Variants in MCM9 observed in about 807,000 individuals in gnomAD.
MCM9 encodes the protein DNA helicase MCM9.
Under a neutral mutation model 72.8 loss-of-function variants are expected in MCM9, and 55 were observed. That is an observed-to-expected ratio of 0.76 (90% confidence interval 0.61 to 0.95). MCM9 has a LOEUF of 0.95. Among genes scored for constraint, MCM9 ranks in the 40% least tolerant of loss-of-function variants. The pLI, the probability that MCM9 is intolerant of heterozygous loss-of-function variation, is 0.00. For missense variants in MCM9, 1,279 were observed against 1,377.0 expected (o/e 0.93, Z 1.13); for synonymous variants, 480 against 503.4 (o/e 0.95, Z 0.62).
intron 9 of MCM9, among the ~76,000 whole-genome samples, chr6:118,830,047 T>C (rs531803674): frequency 3.3e-5 from 5 of 152,218 alleles, no homozygotes; most frequent in African/African-American, 4.8e-5. Context: ...AATGGTCCAG[T>C]AGAGGGACAA....
intron 8 of MCM9, among the ~76,000 whole-genome samples, chr6:118,874,458 C>G (rs991112203): frequency 3.3e-5 from 5 of 152,088 alleles, no homozygotes; most frequent in African/African-American, 1.2e-4. Flanking sequence ...AGACTCTCTA[C>G]AAAAAATCTG....
At chr6:118,897,342 C>T (rs969121376) in intron 8 of MCM9, among the ~76,000 whole-genome samples, 3 of 152,008 alleles carry the variant, frequency 2.0e-5, no homozygotes, top group African/African-American at 7.2e-5. Flanking sequence ...TAATATAGGG[C>T]TTATATCAAG....
chr6:118,869,310 AATG>A, intron 8 of MCM9, among the ~76,000 whole-genome samples: 1 of 152,200 alleles, frequency 6.6e-6, no homozygotes, highest in Non-Finnish European at 1.5e-5. Flanking sequence ...ACCCAATGTA[AATG>A]ATGAGTTGAT....
At chr6:118,856,576 T>C (rs1460419113) in intron 8 of MCM9, 31 bp from the exon 9 acceptor site, 3 of 1,534,332 alleles carry the variant, frequency 2.0e-6, no homozygotes, top group African/African-American at 2.7e-5. Context: ...TATCAACTTT[T>C]ATTTTCAAAA....
At chr6:118,848,888 C>T (rs1776053086) in intron 9 of MCM9, among the ~76,000 whole-genome samples, 1 of 152,036 alleles carries the variant, frequency 6.6e-6, no homozygotes, top group Non-Finnish European at 1.5e-5. Flanking sequence ...TGCCACTGCA[C>T]TCCAGCCTGG....
chr6:118,843,962 G>C (rs1775687247), intron 9 of MCM9, among the ~76,000 whole-genome samples: 1 of 151,518 alleles, frequency 6.6e-6, no homozygotes, highest in South Asian at 2.1e-4. Flanking sequence ...AGGAAAACCT[G>C]AAGTGGTTAG....
intron 9 of MCM9, 44 bp downstream of exon 9, chr6:118,856,327 T>C: frequency 6.7e-7 from 1 of 1,500,122 alleles, no homozygotes; most frequent in Non-Finnish European, 8.9e-7. Context: ...TAAGCATATA[T>C]TAAATAATCT....
intron 9 of MCM9, among the ~76,000 whole-genome samples, chr6:118,829,954 G>A (rs1220771065): frequency 6.6e-6 from 1 of 152,152 alleles, no homozygotes; most frequent in African/African-American, 2.4e-5. Context: ...CCATTGTGAA[G>A]GGAAGTCTGA....
intron 8 of MCM9, among the ~76,000 whole-genome samples, chr6:118,859,463 G>C (rs1776771527): frequency 1.3e-5 from 2 of 152,230 alleles, no homozygotes; most frequent in East Asian, 3.9e-4. Flanking sequence ...TGAGATCAGA[G>C]GACAAATTAC....
chr6:118,826,864 G>A lies in MCM9; in HGVS notation c.1733C>T (p.Ala578Val). 3 of 1,548,610 alleles carry A rather than the reference G, an allele frequency of 1.9e-6. No homozygotes were observed. Among genetic ancestry groups the A allele is most frequent in the Non-Finnish European group, 2.6e-6 (3 of 1,146,362 alleles). Reference sequence around the variant, plus strand: ...ATCACGAAACATCAGGCGAGCATGAGCTAAGAAAACAAAACACATTTGTTT... The same window carrying A: ...ATCACGAAACATCAGGCGAGCATGAACTAAGAAAACAAAACACATTTGTTT... ...LLESLIRLAE[A>V]HARLMFRDTV... is the part of the protein sequence containing the mutation. The change falls in exon 12 of 14, where the codon GCT becomes GTT. Residue 578 changes from alanine (A) to valine (V), a missense_variant and splice_region_variant. Transcript: ENST00000619706.
intron 9 of MCM9, among the ~76,000 whole-genome samples, chr6:118,837,126 A>AT: frequency 6.6e-6 from 1 of 152,078 alleles, no homozygotes; most frequent in East Asian, 1.9e-4. Context: ...TAATTTCGTT[A>AT]TTTACCCAGT....
chr6:118,850,621 TGAAGG>T lies in MCM9; in HGVS notation c.1325+5745_1325+5749del, dbSNP rs565732779. ...CAATTTAATTTTGCTTTGCTTTAAA[TGAAGG>T]GATATTCACTGTTGTTATTGTTGGT... On this transcript the variant is annotated intron_variant, in intron 9 of 13. Coordinates refer to ENST00000619706, the MANE Select transcript of MCM9 (RefSeq NM_017696.3). Among the ~76,000 whole-genome samples, 1,086 of 151,976 alleles carry T rather than the reference TGAAGG, an allele frequency of 7.1e-3. 46 individuals carry two copies. The highest frequency in any genetic ancestry group is 0.026 in the African/African-American group (1,056 of 41,218).
chr6:118,924,574 C>T (rs538159623), intron 3 of MCM9, among the ~76,000 whole-genome samples: 26 of 152,234 alleles, frequency 1.7e-4, no homozygotes, highest in African/African-American at 6.3e-4. Flanking sequence ...AGCATGACGA[C>T]CACAGAGTTC....
chr6:118,899,498 A>G (rs1015353763), intron 8 of MCM9, among the ~76,000 whole-genome samples: 1 of 151,942 alleles, frequency 6.6e-6, no homozygotes, highest in African/African-American at 2.4e-5. Flanking sequence ...CTTCCTCTCT[A>G]TCTCCATCAA....
At chr6:118,824,034 CCTTT>C (rs1773995686) in intron 13 of MCM9, among the ~76,000 whole-genome samples, 1 of 120,098 alleles carries the variant, frequency 8.3e-6, no homozygotes, top group Non-Finnish European at 1.6e-5. Flanking sequence ...AGCAAACCCA[CCTTT>C]TTTTTTTTTT....
intron 13 of MCM9, among the ~76,000 whole-genome samples, chr6:118,820,359 C>T (rs1266387015): frequency 6.6e-6 from 1 of 152,150 alleles, no homozygotes; most frequent in Non-Finnish European, 1.5e-5. Flanking sequence ...TTATTTATTT[C>T]TGCCTTAATT....
intron 8 of MCM9, among the ~76,000 whole-genome samples, chr6:118,903,980 G>A (rs191932636): frequency 2.6e-4 from 39 of 152,184 alleles, no homozygotes; most frequent in Middle Eastern, 6.8e-3. Context: ...GGAGATATTG[G>A]CTGGAGACAA....
intron 8 of MCM9, among the ~76,000 whole-genome samples, chr6:118,891,720 G>A (rs1778955371): frequency 6.6e-6 from 1 of 152,078 alleles, no homozygotes; most frequent in Non-Finnish European, 1.5e-5. Flanking sequence ...ACGAATTTGG[G>A]GGAGACATAA....
chr6:118,824,035 C>CTTT (rs137881254), intron 13 of MCM9, among the ~76,000 whole-genome samples: 12 of 54,340 alleles, frequency 2.2e-4, no homozygotes, highest in African/African-American at 6.9e-4. Context: ...GCAAACCCAC[C>CTTT]TTTTTTTTTT....
Sources: allele counts gnomAD v4.1 joint callset (sites outside exome capture counted in the v4.1 genomes callset), GRCh38; gene constraint gnomAD v4.1.1; transcripts MANE v1.5; gene names NCBI Gene and HGNC (gene_info 2026-07-23, HGNC 2026-07-21).